The following DTWD2 variants were observed in gnomAD, a reference collection of about 807,000 sequenced individuals.
The protein encoded by DTWD2 is DTW motif tRNA-uridine aminocarboxypropyltransferase 2.
DTWD2 carries 39 observed loss-of-function variants against 31.8 expected under a neutral mutation model. That is an observed-to-expected ratio of 1.22 (90% CI 0.95 to 1.60). DTWD2 has a LOEUF of 1.60. Among genes scored for constraint, DTWD2 ranks in the 40% most tolerant of loss-of-function variants. The pLI is 0.00. For missense variants in DTWD2, 515 were observed against 381.5 expected, an observed-to-expected ratio of 1.35 and a Z score of -2.92; for synonymous variants, 180 against 142.8, an observed-to-expected ratio of 1.26 and a Z score of -1.86.
Position 118,939,260 on chromosome 5 carries a change from GT to G in DTWD2, c.339del (p.Leu114Ter). 1 of 1,599,574 alleles carries G rather than the reference GT, an allele frequency of 6.3e-7. No homozygotes were observed. Among genetic ancestry groups the G allele is most frequent in the African/African-American group, 1.3e-5 (1 of 74,426 alleles). ...TTGTCCTGGGGGAGGCATGCTGCTA[GT>G]AGAGGAACTGTACGCAACACTTTGT... ...EENKVLRTVP[L>X]LAACLPQDKC... On this transcript the variant is annotated frameshift_variant, in exon 3 of 6. Transcript: ENST00000510708. LOFTEE classifies it high-confidence loss of function.
intron 4 of DTWD2, among the ~76,000 whole-genome samples, chr5:118,868,878 G>C (rs900854458): frequency 1.0e-3 from 158 of 151,280 alleles, no homozygotes; most frequent in African/African-American, 3.6e-3. Context: ...TGGGAGGGGA[G>C]GAGATTTTGG....
At chr5:118,920,557 C>G (rs201115096) in intron 4 of DTWD2, among the ~76,000 whole-genome samples, 1 of 151,902 alleles carries the variant, frequency 6.6e-6, no homozygotes, top group Non-Finnish European at 1.5e-5. Context: ...CTTCCTAATC[C>G]TTTTTTTATT....
intron 4 of DTWD2, among the ~76,000 whole-genome samples, chr5:118,857,577 T>C (rs1021708200): frequency 2.0e-5 from 3 of 152,220 alleles, no homozygotes; most frequent in Non-Finnish European, 2.9e-5. Context: ...CTGTGAATTA[T>C]GCTTTCACTC....
chr5:118,934,359 G>A (rs926076345), intron 3 of DTWD2, among the ~76,000 whole-genome samples: 1 of 127,038 alleles, frequency 7.9e-6, no homozygotes, highest in Non-Finnish European at 1.6e-5. Flanking sequence ...AAATAGTACA[G>A]AGAATTCCTA....
chr5:118,837,172 A>G lies in DTWD2; in HGVS notation c.*3745T>C, dbSNP rs1180178128. On this transcript the variant is annotated 3_prime_UTR_variant, in exon 6 of 6. Coordinates refer to ENST00000510708, the MANE Select transcript of DTWD2 (RefSeq NM_173666.4). ...GAAAGAGGGAGAGGAAGACCCTGGG[A>G]AGGAGGAAGAAAGTGTGAAGAGAAA... 2.6e-5 allele frequency: 4 copies of G among 152,164 alleles called. No homozygotes were observed. Among genetic ancestry groups the G allele is most frequent in the African/African-American group, 9.7e-5 (4 of 41,432 alleles). The allele number at this position is 152,164 out of a possible 1,614,324, so 9.4% of individuals were successfully genotyped here. A position where few individuals can be genotyped will look rare whatever the true frequency, so the allele number is the denominator to read the frequency against.
intron 2 of DTWD2, among the ~76,000 whole-genome samples, chr5:118,941,808 G>C (rs963367324): frequency 1.3e-5 from 2 of 152,170 alleles, no homozygotes; most frequent in Admixed American, 6.5e-5. Flanking sequence ...GTGTAAAAGT[G>C]TTCCTATTTC....
intron 1 of DTWD2, chr5:118,973,817 A>C: frequency 6.2e-7 from 1 of 1,612,400 alleles, no homozygotes; most frequent in Non-Finnish European, 8.5e-7. Flanking sequence ...AGCCGTAGAC[A>C]CCAGCTCCGA....
chr5:118,948,345 A>G (rs1054446648), intron 1 of DTWD2, among the ~76,000 whole-genome samples: 1 of 151,920 alleles, frequency 6.6e-6, no homozygotes, highest in Admixed American at 6.6e-5. Context: ...GCCGGGCATG[A>G]TGGCAGGTGC....
chr5:118,942,199 G>A (rs1001992235), intron 2 of DTWD2, among the ~76,000 whole-genome samples: 2 of 152,130 alleles, frequency 1.3e-5, no homozygotes, highest in Non-Finnish European at 2.9e-5. Flanking sequence ...TAAGTTAGAT[G>A]AAAACTGGAA....
chr5:118,948,025 ATTG>A (rs1248831285), intron 1 of DTWD2, among the ~76,000 whole-genome samples: 1 of 152,192 alleles, frequency 6.6e-6, no homozygotes, highest in African/African-American at 2.4e-5. Context: ...ATAAAAACAT[ATTG>A]TAATAGGTAG....
rs113052643 is a variant in DTWD2 at position 118,966,859 on chromosome 5, G to A, written c.218+21435C>T. 2.1e-3 allele frequency among the ~76,000 whole-genome samples: 325 copies of A among 151,998 alleles called. 3 individuals are homozygous for A. The highest frequency in any genetic ancestry group is 6.9e-3 in the African/African-American group (286 of 41,456). ...AGCCTGACCAATGTGGTGAAACCCC[G>A]TCTCTATTAAAAATACAAAAATTAG... On this transcript the variant is annotated intron_variant, in intron 1 of 5. Coordinates refer to ENST00000510708, the MANE Select transcript of DTWD2 (RefSeq NM_173666.4).
Position 118,976,694 on chromosome 5 carries a change from A to G in DTWD2, c.218+11600T>C, listed in dbSNP as rs182576742. 6.9e-4 allele frequency among the ~76,000 whole-genome samples: 105 copies of G among 152,348 alleles called. 2 individuals are homozygous for G. The highest frequency in any genetic ancestry group is 2.4e-3 in the African/African-American group (99 of 41,580). On this transcript the variant is annotated intron_variant, in intron 1 of 5. Coordinates refer to ENST00000510708, the MANE Select transcript of DTWD2 (RefSeq NM_173666.4). ...AACAAGTTCTGAAATTGAGGCAGTA[A>G]TTAATAGCCTACCAACCAAAAACAG...
At chr5:118,859,905 C>T (rs1360467571) in intron 4 of DTWD2, among the ~76,000 whole-genome samples, 2 of 152,028 alleles carry the variant, frequency 1.3e-5, no homozygotes, top group African/African-American at 4.8e-5. Context: ...ATCACTTGAG[C>T]CCAGGAGTTC....
rs192636255 is a variant in DTWD2, at chr5:118,908,279, T to C, written c.597+20258A>G. Among the ~76,000 whole-genome samples the C allele has an allele frequency of 2.0e-5, 3 of 152,270 alleles. No homozygotes were observed. In the East Asian group the frequency reaches 5.8e-4, roughly 29 times the overall value. On this transcript the variant is annotated intron_variant, in intron 4 of 5. Coordinates refer to ENST00000510708, the MANE Select transcript of DTWD2 (RefSeq NM_173666.4). Reference sequence around the variant, plus strand: ...CAGGATCCTCAGGACCAAGGAGTGATACGGGTGAGTTCCCTGGATTTTCAT... The same window carrying C: ...CAGGATCCTCAGGACCAAGGAGTGACACGGGTGAGTTCCCTGGATTTTCAT...
intron 1 of DTWD2, among the ~76,000 whole-genome samples, chr5:118,956,503 T>C (rs1002359011): frequency 5.3e-5 from 8 of 152,218 alleles, no homozygotes; most frequent in Non-Finnish European, 8.8e-5. Context: ...ATACTATCTC[T>C]GACAGCCTGT....
intron 1 of DTWD2, among the ~76,000 whole-genome samples, chr5:118,945,539 C>T (rs1010920372): frequency 4.6e-5 from 7 of 152,018 alleles, no homozygotes; most frequent in African/African-American, 1.7e-4. Context: ...CTGAGGTGGG[C>T]AGATCACCTG....
At chr5:118,879,675 C>T (rs529558271) in intron 4 of DTWD2, among the ~76,000 whole-genome samples, 122 of 150,988 alleles carry the variant, frequency 8.1e-4, no homozygotes, top group Non-Finnish European at 1.5e-3. Flanking sequence ...GAGCTAAAGG[C>T]CCTTATCCTT....
intron 4 of DTWD2, among the ~76,000 whole-genome samples, chr5:118,899,865 G>A (rs1432165718): frequency 1.6e-4 from 23 of 143,074 alleles, no homozygotes; most frequent in Non-Finnish European, 3.0e-4. Flanking sequence ...ACAGTGGCAC[G>A]ATCTCGGCTC....
At chr5:118,898,582 C>G (rs1450331215) in intron 4 of DTWD2, among the ~76,000 whole-genome samples, 1 of 149,182 alleles carries the variant, frequency 6.7e-6, no homozygotes, top group Non-Finnish European at 1.5e-5. Context: ...TCGCTTGAAC[C>G]TGGGAGGCGG....
Sources: gnomAD v4.1 joint callset for allele counts (sites outside exome capture counted in the v4.1 genomes callset) on GRCh38, gnomAD v4.1.1 for gene constraint, MANE v1.5 for transcripts, NCBI Gene and HGNC (gene_info 2026-07-23, HGNC 2026-07-21) for gene names.